Variants in ARIH2 observed in about 807,000 individuals in gnomAD.
ARIH2 encodes the protein E3 ubiquitin-protein ligase ARIH2.
Under a neutral mutation model 79.8 loss-of-function variants are expected in ARIH2, and 12 were observed. The ratio of observed to expected loss-of-function variants is 0.15; its 90% CI spans 0.10 to 0.24. The LOEUF (loss-of-function observed/expected upper bound fraction) is 0.24. ARIH2 is among the 10% of genes least tolerant of loss of function. ARIH2 has a pLI of 1.00. For synonymous variants in ARIH2, 224 were observed against 213.9 expected (o/e 1.05, Z -0.41); for missense variants, 301 against 618.3 (o/e 0.49, Z 5.44).
At chr3:48,976,211 CTT>C (rs755997240) in intron 11 of ARIH2, among the ~76,000 whole-genome samples, 4 of 136,320 alleles carry the variant, frequency 2.9e-5, no homozygotes, top group South Asian at 2.3e-4. Context: ...CGAGCCTGTA[CTT>C]TTTTTTTTTT....
intron 11 of ARIH2, chr3:48,975,259 T>C: frequency 1.7e-6 from 1 of 574,408 alleles, no homozygotes; most frequent in Non-Finnish European, 3.0e-6. Context: ...GATTTCAGGG[T>C]GTTGCTTTCA....
chr3:48,960,675 A>G (rs573924496), intron 3 of ARIH2, among the ~76,000 whole-genome samples: 2 of 151,836 alleles, frequency 1.3e-5, no homozygotes, highest in African/African-American at 2.4e-5. Context: ...GAGGCAGGAG[A>G]ATCGCTTGAG....
intron 7 of ARIH2, among the ~76,000 whole-genome samples, chr3:48,969,647 C>G (rs929915449): frequency 7.4e-4 from 113 of 151,998 alleles, no homozygotes; most frequent in African/African-American, 2.6e-3. Flanking sequence ...ACCACCAAAC[C>G]CAGCTAATTT....
Position 48,983,439 on chromosome 3 carries a change from CACTTTTT to C in ARIH2, c.*170_*176del, listed in dbSNP as rs1209411102. 2 of 662,550 alleles carry C rather than the reference CACTTTTT, an allele frequency of 3.0e-6. No homozygotes were observed. Among genetic ancestry groups the C allele is most frequent in the Non-Finnish European group, 5.3e-6 (2 of 380,146 alleles). 41.0% of individuals were successfully genotyped at this position (662,550 alleles called of 1,614,324 possible). The stretch of plus-strand genomic sequence containing the variant: ...GTTGATTTCTGTTTTCTTCTCTTTT[CACTTTTT>C]GTTTCTACCAGGGTAGAGGCCATGT... On this transcript the variant is annotated 3_prime_UTR_variant, in exon 16 of 16. Coordinates refer to ENST00000356401, the MANE Select transcript of ARIH2 (RefSeq NM_006321.4).
chr3:48,935,662 A>G (rs925890421), intron 3 of ARIH2, among the ~76,000 whole-genome samples: 6 of 152,202 alleles, frequency 3.9e-5, no homozygotes, highest in Non-Finnish European at 8.8e-5. Context: ...TAAAATAATG[A>G]TAACACCTCC....
chr3:48,946,537 C>A (rs1390840000), intron 3 of ARIH2, among the ~76,000 whole-genome samples: 1 of 151,808 alleles, frequency 6.6e-6, no homozygotes, highest in African/African-American at 2.4e-5. Context: ...AAACAAAGTC[C>A]TTTTTGACAT....
intron 3 of ARIH2, among the ~76,000 whole-genome samples, chr3:48,960,465 A>C (rs147710620): frequency 1.7e-3 from 255 of 151,988 alleles, no homozygotes; most frequent in African/African-American, 5.4e-3. Context: ...TTAAAAAAAA[A>C]AAAAACAAAA....
At chr3:48,919,228 C>T (rs1239423612) in intron 1 of ARIH2, 3 of 1,254,142 alleles carry the variant, frequency 2.4e-6, no homozygotes, top group Non-Finnish European at 3.0e-6. Flanking sequence ...TCGGAAAGGT[C>T]AGAGGCCACC....
rs538399655 is a variant in ARIH2, at chr3:48,949,278, C to T, written c.256-12334C>T. On this transcript the variant is annotated intron_variant, in intron 3 of 15. Coordinates refer to ENST00000356401, the MANE Select transcript of ARIH2 (RefSeq NM_006321.4). ...GACTACAGGCGCCCGCCGTGACGCC[C>T]GGCTAGTTTTTTGTGTTTTTAGTAG... Among the ~76,000 whole-genome samples the T allele has an allele frequency of 6.9e-4, 105 of 152,236 alleles. 1 individual carries two copies. The highest frequency in any genetic ancestry group is 6.2e-3 in the Admixed American group (94 of 15,284).
rs1431378824 is a variant in ARIH2, at chr3:48,921,101, C to T, written c.-161-1647C>T. On this transcript the variant is annotated intron_variant, in intron 1 of 15. Coordinates refer to ENST00000356401, the MANE Select transcript of ARIH2 (RefSeq NM_006321.4). The stretch of plus-strand genomic sequence containing the variant: ...CCTCCTGAGTAGCTGGGATTATAGG[C>T]GCATGCTACCACGCCCAGCTAATTT... Among the ~76,000 whole-genome samples, 7 of 74,908 alleles carry T rather than the reference C, an allele frequency of 9.3e-5. 2 individuals are homozygous for T. The highest frequency in any genetic ancestry group is 1.6e-4 in the Non-Finnish European group (6 of 36,872). 49.1% of individuals were successfully genotyped at this position (74,908 alleles called of 152,430 possible).
Position 48,978,256 on chromosome 3 carries a change from A to AT in ARIH2, c.962-1209dup, listed in dbSNP as rs548878345. On this transcript the variant is annotated intron_variant, in intron 11 of 15. Transcript: ENST00000356401. The stretch of plus-strand genomic sequence containing the variant: ...CAATAATTTTTTGAACATATAGGGG[A>AT]TTTTTTTTTTTTTTTTTGAGACACA... Among the ~76,000 whole-genome samples the AT allele has an allele frequency of 5.5e-3, 734 of 133,746 alleles. 1 individual carries two copies. Among genetic ancestry groups the AT allele is most frequent in the Non-Finnish European group, 7.6e-3 (467 of 61,520 alleles). The allele number at this position is 133,746 out of a possible 152,430, so 87.7% of individuals were successfully genotyped here. A position where few individuals can be genotyped will look rare whatever the true frequency, so the allele number is the denominator to read the frequency against.
At chr3:48,973,161 A>G (rs1446493947) in intron 8 of ARIH2, among the ~76,000 whole-genome samples, 1 of 152,208 alleles carries the variant, frequency 6.6e-6, no homozygotes, top group African/African-American at 2.4e-5. Context: ...GAAAAGCTCT[A>G]GGCCGGGCAC....
intron 3 of ARIH2, among the ~76,000 whole-genome samples, chr3:48,933,547 T>C (rs2086683124): frequency 6.7e-6 from 1 of 148,990 alleles, no homozygotes; most frequent in Admixed American, 6.7e-5. Context: ...CTCACTTTTT[T>C]TTTTTTTTTT....
intron 3 of ARIH2, among the ~76,000 whole-genome samples, chr3:48,939,757 CAAAAAA>C (rs1190260583): frequency 1.6e-4 from 7 of 43,546 alleles, no homozygotes; most frequent in African/African-American, 3.5e-4. Context: ...GACTCCATCT[CAAAAAA>C]AAAAAAAAAA....
At chr3:48,930,693 T>C (rs1457599450) in intron 3 of ARIH2, among the ~76,000 whole-genome samples, 3 of 152,228 alleles carry the variant, frequency 2.0e-5, no homozygotes, top group African/African-American at 7.2e-5. Flanking sequence ...CCAATGGTGT[T>C]CCGGCTACTC....
chr3:48,978,433 G>A (rs1287073436), intron 11 of ARIH2, among the ~76,000 whole-genome samples: 3 of 113,602 alleles, frequency 2.6e-5, no homozygotes, highest in Admixed American at 1.1e-4. Context: ...GTGTGTGTGT[G>A]TGTGTGTGTG....
intron 3 of ARIH2, among the ~76,000 whole-genome samples, chr3:48,942,898 GCC>G (rs989587432): frequency 1.3e-5 from 2 of 151,888 alleles, no homozygotes; most frequent in Non-Finnish European, 2.9e-5. Context: ...TGATCTGCCC[GCC>G]CCATCCTCCC....
intron 3 of ARIH2, chr3:48,934,213 C>G: frequency 2.8e-6 from 1 of 351,020 alleles, no homozygotes; most frequent in Non-Finnish European, 4.0e-6. Flanking sequence ...TCACTTGTAA[C>G]GTGATCAATT....
chr3:48,979,681 C>G, intron 12 of ARIH2, 48 bp downstream of exon 12: 1 of 1,600,318 alleles, frequency 6.2e-7, no homozygotes, highest in East Asian at 2.2e-5. Context: ...GCTTCTTCCA[C>G]TTGGCCTGCT....
Sources: gnomAD v4.1 joint callset for allele counts (sites outside exome capture counted in the v4.1 genomes callset) on GRCh38, gnomAD v4.1.1 for gene constraint, MANE v1.5 for transcripts, NCBI Gene and HGNC (gene_info 2026-07-23, HGNC 2026-07-21) for gene names.